MAGI3: variants seen among roughly 807,000 people sequenced by gnomAD.
The protein encoded by MAGI3 is membrane-associated guanylate kinase, WW and PDZ domain-containing protein 3.
In MAGI3, 43 loss-of-function variants were observed where a neutral mutation model predicts 121.8. The ratio of observed to expected loss-of-function variants is 0.35; its 90% CI spans 0.28 to 0.46. The LOEUF (loss-of-function observed/expected upper bound fraction) is 0.46, where lower values mean the gene tolerates loss of function less well. Among genes scored for constraint, MAGI3 ranks in the 20% least tolerant of loss-of-function variants. The pLI is 1.00. For synonymous variants in MAGI3, 553 were observed against 639.3 expected (o/e 0.86, Z 2.04); for missense variants, 1,547 against 1,797.3 (o/e 0.86, Z 2.52).
chr1:113,461,959 T>C (rs1018858701), intron 1 of MAGI3, among the ~76,000 whole-genome samples: 6 of 152,022 alleles, frequency 3.9e-5, no homozygotes, highest in African/African-American at 1.5e-4. Context: ...AACAAGCATA[T>C]GAAAAAAATC....
chr1:113,629,251 T>C (rs1557861110), intron 9 of MAGI3, among the ~76,000 whole-genome samples: 1 of 152,350 alleles, frequency 6.6e-6, no homozygotes, highest in East Asian at 1.9e-4. Flanking sequence ...TTTTCAACTC[T>C]AGATTTCTGT....
chr1:113,451,697 C>T (rs915309883), intron 1 of MAGI3, among the ~76,000 whole-genome samples: 15 of 152,058 alleles, frequency 9.9e-5, no homozygotes, highest in African/African-American at 2.4e-4. Context: ...CTGGGGAACA[C>T]GGCATTAAGA....
chr1:113,593,023 A>G (rs1385580273), intron 5 of MAGI3, among the ~76,000 whole-genome samples: 3 of 152,078 alleles, frequency 2.0e-5, no homozygotes, highest in Non-Finnish European at 2.9e-5. Context: ...AAAACAAACA[A>G]ACAAACAAAA....
intron 11 of MAGI3, among the ~76,000 whole-genome samples, chr1:113,644,447 AT>A (rs1652724285): frequency 6.6e-6 from 1 of 151,814 alleles, no homozygotes; most frequent in African/African-American, 2.4e-5. Context: ...CACCCAGCTA[AT>A]TTTTTTGTAT....
At chr1:113,557,023 T>C (rs954595255) in intron 2 of MAGI3, among the ~76,000 whole-genome samples, 2 of 152,260 alleles carry the variant, frequency 1.3e-5, no homozygotes, top group Non-Finnish European at 2.9e-5. Context: ...ATTTTAGTTT[T>C]TAACTTTCCT....
At chr1:113,518,148 A>G (rs1658016248) in intron 1 of MAGI3, among the ~76,000 whole-genome samples, 1 of 151,882 alleles carries the variant, frequency 6.6e-6, no homozygotes, top group Non-Finnish European at 1.5e-5. Context: ...CTTCTACTCC[A>G]CCTAAGCTCC....
chr1:113,436,949 G>A (rs1393032065), intron 1 of MAGI3, among the ~76,000 whole-genome samples: 1 of 151,590 alleles, frequency 6.6e-6, no homozygotes, highest in African/African-American at 2.4e-5. Flanking sequence ...AGAGTAGCTG[G>A]GACTACAGGC....
chr1:113,466,165 G>T (rs1033412799), intron 1 of MAGI3, among the ~76,000 whole-genome samples: 1 of 151,994 alleles, frequency 6.6e-6, no homozygotes, highest in African/African-American at 2.4e-5. Flanking sequence ...TTTGAGATAT[G>T]TTCCTTTTAT....
intron 1 of MAGI3, among the ~76,000 whole-genome samples, chr1:113,468,854 C>G (rs765013184): frequency 2.6e-5 from 4 of 151,004 alleles, no homozygotes; most frequent in Non-Finnish European, 4.4e-5. Context: ...TTCTATAGGA[C>G]AGTGCTATTC....
At chr1:113,464,701 G>T (rs559310319) in intron 1 of MAGI3, among the ~76,000 whole-genome samples, 50 of 152,292 alleles carry the variant, frequency 3.3e-4, no homozygotes, top group Admixed American at 1.1e-3. Flanking sequence ...TAACTAGGGT[G>T]AGATGGTATC....
chr1:113,606,050 C>T (rs756055120), intron 6 of MAGI3, among the ~76,000 whole-genome samples: 3 of 152,112 alleles, frequency 2.0e-5, no homozygotes, highest in African/African-American at 4.8e-5. Flanking sequence ...ACTGCAGCCT[C>T]CTCCTCCTGG....
Position 113,497,432 on chromosome 1 carries a change from G to T in MAGI3, c.317-52083G>T, listed in dbSNP as rs1217658427. On this transcript the variant is annotated intron_variant, in intron 1 of 20. Transcript: ENST00000307546. ...CAAGGGGTCAGGGAGTTCCCTTTCC[G>T]AGTCAAAGAAAGGGGTGATGGACGC... Among the ~76,000 whole-genome samples, 4 of 97,820 alleles carry T rather than the reference G, an allele frequency of 4.1e-5. 1 individual carries two copies. Among genetic ancestry groups the T allele is most frequent in the African/African-American group, 1.5e-4 (4 of 26,874 alleles). 64.2% of individuals were successfully genotyped at this position (97,820 alleles called of 152,430 possible). A position where few individuals can be genotyped will look rare whatever the true frequency, so the allele number is the denominator to read the frequency against.
At chr1:113,459,101 A>G (rs1374103352) in intron 1 of MAGI3, among the ~76,000 whole-genome samples, 1 of 152,128 alleles carries the variant, frequency 6.6e-6, no homozygotes, top group African/African-American at 2.4e-5. Context: ...GAATCTCTTA[A>G]TATGTTCTGG....
intron 3 of MAGI3, 89 bp downstream of exon 3, chr1:113,580,750 C>G: frequency 7.7e-7 from 1 of 1,291,092 alleles, no homozygotes; most frequent in Non-Finnish European, 1.0e-6. Context: ...TAAAGTACCA[C>G]TTTTTGAAAA....
At chr1:113,539,752 A>G (rs370951800) in intron 1 of MAGI3, among the ~76,000 whole-genome samples, 71 of 150,124 alleles carry the variant, frequency 4.7e-4, no homozygotes, top group South Asian at 2.5e-3. Context: ...AAAATATATC[A>G]TGAGCATTGG....
chr1:113,524,682 C>G (rs1658373064), intron 1 of MAGI3, among the ~76,000 whole-genome samples: 1 of 152,154 alleles, frequency 6.6e-6, no homozygotes, highest in African/African-American at 2.4e-5. Context: ...TTTGCAGGCT[C>G]ATAGGCAGAA....
At chr1:113,411,527 C>G (rs1285186655) in intron 1 of MAGI3, among the ~76,000 whole-genome samples, 1 of 151,758 alleles carries the variant, frequency 6.6e-6, no homozygotes, top group Non-Finnish European at 1.5e-5. Context: ...TGATTACTTC[C>G]CAGATAATCC....
chr1:113,491,231 C>G (rs1466857370), intron 1 of MAGI3, among the ~76,000 whole-genome samples: 1 of 152,136 alleles, frequency 6.6e-6, no homozygotes, highest in Non-Finnish European at 1.5e-5. Context: ...TCACTCAGAA[C>G]CATACAATTA....
intron 9 of MAGI3, among the ~76,000 whole-genome samples, chr1:113,639,327 G>T (rs1039242464): frequency 1.3e-5 from 2 of 152,202 alleles, no homozygotes; most frequent in Non-Finnish European, 2.9e-5. Context: ...CTTCTGCGTC[G>T]CTCACGCTGG....
Sources: gnomAD v4.1 joint callset for allele counts (sites outside exome capture counted in the v4.1 genomes callset) on GRCh38, gnomAD v4.1.1 for gene constraint, MANE v1.5 for transcripts, NCBI Gene and HGNC (gene_info 2026-07-23, HGNC 2026-07-21) for gene names.